Variants in FHIP1A observed in about 807,000 individuals in gnomAD.
FHIP1A encodes FHF complex subunit HOOK interacting protein 1A, also known as FHF complex subunit HOOK-interacting protein 1A.
A neutral mutation model predicts 88.6 loss-of-function variants in FHIP1A; 61 were observed. The observed-to-expected ratio is 0.69, with a 90% CI of 0.56 to 0.85. The LOEUF (loss-of-function observed/expected upper bound fraction) is 0.85, where lower values mean the gene tolerates loss of function less well. Ranked by LOEUF, FHIP1A falls within the 40% of genes least tolerant of loss-of-function variation. The probability of loss-of-function intolerance (pLI) is 0.00; values close to 1 mark genes in which losing one functional copy is unlikely to be tolerated. For synonymous variants in FHIP1A, 478 were observed against 496.0 expected (o/e 0.96, Z 0.48); for missense variants, 1,154 against 1,273.5 (o/e 0.91, Z 1.43).
At chr4:151,583,225 C>G (rs12505163) in intron 5 of FHIP1A, among the ~76,000 whole-genome samples, 15,372 of 152,246 alleles carry the variant, frequency 0.1, 1,310 homozygotes, top group South Asian at 0.29. Flanking sequence ...AATCTTGTTT[C>G]TAAGACTATG....
chr4:151,518,785 G>A (rs923861616), intron 3 of FHIP1A, among the ~76,000 whole-genome samples: 2 of 151,138 alleles, frequency 1.3e-5, no homozygotes, highest in East Asian at 2.0e-4. Flanking sequence ...TTAGCCTCCC[G>A]AATACCTGGG....
chr4:151,602,829 A>G (rs894086286), intron 7 of FHIP1A, among the ~76,000 whole-genome samples: 16 of 152,142 alleles, frequency 1.1e-4, no homozygotes, highest in African/African-American at 3.6e-4. Context: ...AGGGGATTCA[A>G]GAGAAGGGAA....
At chr4:151,498,499 CTCT>C (rs1455704250) in intron 3 of FHIP1A, among the ~76,000 whole-genome samples, 2 of 152,158 alleles carry the variant, frequency 1.3e-5, no homozygotes, top group African/African-American at 4.8e-5. Flanking sequence ...TTGGCCCTCA[CTCT>C]ACTCCCTGGG....
intron 3 of FHIP1A, among the ~76,000 whole-genome samples, chr4:151,523,854 C>T (rs1731535129): frequency 1.3e-5 from 2 of 152,162 alleles, no homozygotes; most frequent in South Asian, 4.1e-4. Flanking sequence ...TAAATGAAAG[C>T]TTAATTGACA....
At chr4:151,531,569 G>A (rs986601444) in intron 3 of FHIP1A, among the ~76,000 whole-genome samples, 1 of 151,106 alleles carries the variant, frequency 6.6e-6, no homozygotes, top group African/African-American at 2.4e-5. Flanking sequence ...ATTTTCATAT[G>A]AGACAGACTG....
chr4:151,623,273 C>G (rs959490660), intron 7 of FHIP1A, among the ~76,000 whole-genome samples: 1 of 152,044 alleles, frequency 6.6e-6, no homozygotes, highest in Non-Finnish European at 1.5e-5. Context: ...TTTCTGTGTC[C>G]CCTCTTAACC....
intron 3 of FHIP1A, chr4:151,533,145 A>G (rs115721191): frequency 0.011 from 1,709 of 152,388 alleles, 11 homozygotes; most frequent in Non-Finnish European, 0.018. Flanking sequence ...GAGCATGTAT[A>G]TAAGGGAGTC....
chr4:151,544,698 C>G (rs1425390796), intron 3 of FHIP1A, among the ~76,000 whole-genome samples: 2 of 152,102 alleles, frequency 1.3e-5, no homozygotes, highest in Non-Finnish European at 2.9e-5. Flanking sequence ...GTGGCCTTTC[C>G]CCTCTTCTGC....
At chr4:151,462,359 A>G (rs1283018772) in intron 2 of FHIP1A, among the ~76,000 whole-genome samples, 1 of 152,136 alleles carries the variant, frequency 6.6e-6, no homozygotes, top group Non-Finnish European at 1.5e-5. Context: ...TCTACATGCC[A>G]ATACTTACCT....
intron 2 of FHIP1A, among the ~76,000 whole-genome samples, chr4:151,474,751 T>TG (rs1184119444): frequency 6.6e-6 from 1 of 152,236 alleles, no homozygotes; most frequent in Non-Finnish European, 1.5e-5. Flanking sequence ...TTTTATCTTT[T>TG]GGGTATACAA....
rs1736684341 is a variant in FHIP1A at position 151,643,755 on chromosome 4, C to T, written c.1227-2803C>T. 2.0e-5 allele frequency among the ~76,000 whole-genome samples: 3 copies of T among 152,316 alleles called. 1 individual carries two copies. The South Asian group carries it at 6.2e-4, about 32-fold the overall frequency. Reference sequence around the variant, plus strand: ...CCTCTGAGAACCACCATTCAGAATACTGGCGGGCTATTCATTTGAATAGAC... The same window carrying T: ...CCTCTGAGAACCACCATTCAGAATATTGGCGGGCTATTCATTTGAATAGAC... On this transcript the variant is annotated intron_variant, in intron 9 of 13. Transcript: ENST00000435205.
rs553329600 is a variant in FHIP1A, at chr4:151,616,238, G to T, written c.979-13464G>T. ...GGGCTCTCCTCCCCATCTGAGTTGT[G>T]ACAAGTTGAGAAATACAAAAAATGA... On this transcript the variant is annotated intron_variant, in intron 7 of 13. Coordinates refer to ENST00000435205, the MANE Select transcript of FHIP1A (RefSeq NM_001109977.3). Among the ~76,000 whole-genome samples the T allele has an allele frequency of 6.6e-5, 10 of 152,254 alleles. No homozygotes were observed. In the East Asian group the frequency reaches 1.4e-3, roughly 21 times the overall value.
intron 4 of FHIP1A, among the ~76,000 whole-genome samples, chr4:151,572,169 T>G (rs1733625382): frequency 6.6e-6 from 1 of 152,202 alleles, no homozygotes; most frequent in Non-Finnish European, 1.5e-5. Flanking sequence ...ATTGCACCAT[T>G]GCACTCCAGC....
rs1396598574 is a variant in FHIP1A, at chr4:151,649,613, G to A, written c.1572G>A (p.Leu524=). 1 of 1,551,684 alleles carries A rather than the reference G, an allele frequency of 6.4e-7. No individual in the cohort carries two copies. The highest frequency in any genetic ancestry group is 8.7e-7 in the Non-Finnish European group (1 of 1,146,984). The change falls in exon 11 of 14, where the codon CTG becomes CTA. Residue 524 remains leucine (L), a synonymous_variant. Transcript: ENST00000435205. The part of the protein sequence containing the change: ...CMRDCRVWSA[L]YDGDSPDPEM... ...GGGACTGCCGTGTCTGGTCCGCCCT[G>A]TATGATGGCGACTCCCCCGACCCTG...
At chr4:151,627,558 A>G (rs1486845820) in intron 7 of FHIP1A, among the ~76,000 whole-genome samples, 1 of 152,228 alleles carries the variant, frequency 6.6e-6, no homozygotes, top group Non-Finnish European at 1.5e-5. Context: ...TGATTATGCA[A>G]CTTTTTTCTA....
chr4:151,653,412 A>G (rs1055129196), intron 11 of FHIP1A, among the ~76,000 whole-genome samples: 1 of 151,700 alleles, frequency 6.6e-6, no homozygotes, highest in African/African-American at 2.4e-5. Context: ...TTGGCAGGCA[A>G]GATAATGCAT....
intron 3 of FHIP1A, among the ~76,000 whole-genome samples, chr4:151,499,931 G>C (rs1274871021): frequency 6.6e-6 from 1 of 152,196 alleles, no homozygotes; most frequent in African/African-American, 2.4e-5. Context: ...TTCAAGATAA[G>C]ATTTGGGTGG....
intron 13 of FHIP1A, among the ~76,000 whole-genome samples, chr4:151,661,733 C>T (rs921478274): frequency 6.6e-6 from 1 of 152,130 alleles, no homozygotes; most frequent in Non-Finnish European, 1.5e-5. Flanking sequence ...ATGCAAATCA[C>T]TTGGATATGT....
intron 4 of FHIP1A, among the ~76,000 whole-genome samples, chr4:151,567,686 TAGA>T (rs1578762303): frequency 6.6e-6 from 1 of 152,214 alleles, no homozygotes; most frequent in African/African-American, 2.4e-5. Flanking sequence ...AAGAATATTT[TAGA>T]AGGTCTGTTT....
Sources: gnomAD v4.1 joint callset for allele counts (sites outside exome capture counted in the v4.1 genomes callset) on GRCh38, gnomAD v4.1.1 for gene constraint, MANE v1.5 for transcripts, NCBI Gene and HGNC (gene_info 2026-07-23, HGNC 2026-07-21) for gene names.